The following SAAL1 variants were observed in gnomAD, a reference collection of about 807,000 sequenced individuals.
SAAL1 encodes the protein serum amyloid A like 1, also known as protein SAAL1.
In SAAL1, 42 loss-of-function variants were observed where a neutral mutation model predicts 59.8. The ratio of observed to expected loss-of-function variants is 0.70; its 90% CI spans 0.55 to 0.91. SAAL1 has a LOEUF of 0.91. SAAL1 is among the 40% of genes least tolerant of loss of function. The pLI is 0.00. For synonymous variants in SAAL1, 191 were observed against 194.3 expected, an observed-to-expected ratio of 0.98 and a Z score of 0.14; for missense variants, 542 against 561.1, an observed-to-expected ratio of 0.97 and a Z score of 0.34.
At chr11:18,082,253 A>G (rs1246128015) in intron 10 of SAAL1, among the ~76,000 whole-genome samples, 1 of 152,220 alleles carries the variant, frequency 6.6e-6, no homozygotes, top group African/African-American at 2.4e-5. Flanking sequence ...TTACCCAAGA[A>G]ATTCATACAA....
At chr11:18,088,574 G>A (rs1312752190) in intron 7 of SAAL1, among the ~76,000 whole-genome samples, 1 of 152,192 alleles carries the variant, frequency 6.6e-6, no homozygotes, top group Non-Finnish European at 1.5e-5. Context: ...TGATTGGCAT[G>A]GATGGAATCC....
Position 18,105,985 on chromosome 11 carries a change from C to T in SAAL1, c.57G>A (p.Glu19=). The change falls in exon 1 of 12, where the codon GAG becomes GAA. Residue 19 remains glutamate, a synonymous_variant. Coordinates refer to ENST00000524803, the MANE Select transcript of SAAL1 (RefSeq NM_138421.3). The stretch of plus-strand genomic sequence containing the variant: ...TCCCTATGCAGTCTCCACCGGCCAC[C>T]TCCTCCTCCTCCTCCTTGTCGCGAC... ...PPGRDKEEEE[E]VAGGDCIGST... The T allele has an allele frequency of 6.6e-7, 1 of 1,514,588 alleles. No homozygotes were observed. Among genetic ancestry groups the T allele is most frequent in the Non-Finnish European group, 9.0e-7 (1 of 1,111,918 alleles). 93.8% of individuals were successfully genotyped at this position (1,514,588 alleles called of 1,614,324 possible). A position where few individuals can be genotyped will look rare whatever the true frequency, so the allele number is the denominator to read the frequency against.
chr11:18,084,326 T>A (rs1465508326), intron 9 of SAAL1, among the ~76,000 whole-genome samples: 5 of 152,176 alleles, frequency 3.3e-5, no homozygotes, highest in African/African-American at 4.8e-5. Flanking sequence ...TGACTCCCCA[T>A]ATTTCTCATC....
intron 2 of SAAL1, among the ~76,000 whole-genome samples, chr11:18,100,816 A>G (rs1848626041): frequency 6.6e-6 from 1 of 152,216 alleles, no homozygotes; most frequent in South Asian, 2.1e-4. Context: ...TCCATAAGCA[A>G]AAAAATAAAC....
At chr11:18,087,096 A>C in intron 8 of SAAL1, 42 bp from the exon 9 acceptor site, 1 of 1,598,892 alleles carries the variant, frequency 6.3e-7, no homozygotes, top group Non-Finnish European at 8.6e-7. Context: ...TAAAATCAGC[A>C]AACAATTAAA....
At chr11:18,088,180 T>C (rs1277060636) in intron 7 of SAAL1, among the ~76,000 whole-genome samples, 1 of 152,192 alleles carries the variant, frequency 6.6e-6, no homozygotes, top group Non-Finnish European at 1.5e-5. Flanking sequence ...GGAATAAGGA[T>C]AGCGCTACTG....
chr11:18,087,124 T>A lies in SAAL1; in HGVS notation c.853+19A>T. 6.2e-7 allele frequency: 1 copy of A among 1,605,130 alleles called. No homozygotes were observed. Among genetic ancestry groups the A allele is most frequent in the Non-Finnish European group, 8.5e-7 (1 of 1,171,902 alleles). On this transcript the variant is annotated intron_variant, in intron 8 of 11. Coordinates refer to ENST00000524803, the MANE Select transcript of SAAL1 (RefSeq NM_138421.3). ...CAATTAAATGAGTAACTGTAGTGCA[T>A]CCCGATAAACCACCTTACCAATTGC...
chr11:18,081,558 T>C, intron 10 of SAAL1, 55 bp from the exon 11 acceptor site: 1 of 1,332,330 alleles, frequency 7.5e-7, no homozygotes, highest in Non-Finnish European at 1.1e-6. Context: ...AAGCTTTAAC[T>C]AGTGAATAAA....
At chr11:18,103,564 A>T (rs962550863) in intron 1 of SAAL1, among the ~76,000 whole-genome samples, 1 of 152,052 alleles carries the variant, frequency 6.6e-6, no homozygotes, top group Non-Finnish European at 1.5e-5. Flanking sequence ...ACATCCCCCA[A>T]ATTTGCACAT....
chr11:18,097,189 A>C (rs1170465936), intron 2 of SAAL1, among the ~76,000 whole-genome samples: 1 of 152,114 alleles, frequency 6.6e-6, no homozygotes, highest in Non-Finnish European at 1.5e-5. Flanking sequence ...GTGAGCTGAG[A>C]TCACGCCACT....
intron 1 of SAAL1, among the ~76,000 whole-genome samples, chr11:18,104,757 G>A (rs909694788): frequency 6.6e-6 from 1 of 152,158 alleles, no homozygotes; most frequent in African/African-American, 2.4e-5. Flanking sequence ...AGAGTTGATG[G>A]AACACAGTGT....
intron 1 of SAAL1, among the ~76,000 whole-genome samples, chr11:18,105,332 C>CTTTT (rs905892562): frequency 1.6e-5 from 2 of 127,444 alleles, no homozygotes; most frequent in Non-Finnish European, 3.4e-5. Flanking sequence ...TCACGACCGG[C>CTTTT]TTTTTTTTTT....
At chr11:18,081,631 C>G in intron 10 of SAAL1, 128 bp from the exon 11 acceptor site, 1 of 684,134 alleles carries the variant, frequency 1.5e-6, no homozygotes, top group Non-Finnish European at 2.6e-6. Context: ...CCACCTGAAC[C>G]CACCAACATC....
chr11:18,099,915 C>A (rs1358019740), intron 2 of SAAL1, among the ~76,000 whole-genome samples: 1 of 152,140 alleles, frequency 6.6e-6, no homozygotes, highest in Admixed American at 6.5e-5. Context: ...CCAGACTTTG[C>A]GCCAGGGACC....
In SAAL1 at chr11:18,080,475, T is replaced by G. The variant is rs895087008; in HGVS notation, c.1349A>C (p.Lys450Thr). The change falls in exon 12 of 12, where the codon AAA (lysine) becomes ACA (threonine). Residue 450 changes from lysine (K) to threonine (T), a missense_variant. Transcript: ENST00000524803. The part of the protein sequence containing the change: ...FYSPVVEDFI[K>T]ILREVDKALA... Reference sequence around the variant, plus strand: ...CGCCTTATCAACTTCACGTAGGATTTTAATAAAATCTTCCACCTGTGAGTC... The same window carrying G: ...CGCCTTATCAACTTCACGTAGGATTGTAATAAAATCTTCCACCTGTGAGTC... 1 of 1,581,176 alleles carries G rather than the reference T, an allele frequency of 6.3e-7. No homozygotes were observed. The highest frequency in any genetic ancestry group is 1.4e-5 in the African/African-American group (1 of 72,652).
In SAAL1 at chr11:18,103,445, C is replaced by A. The variant is rs748002552; in HGVS notation, c.136-99G>T. The A allele has an allele frequency of 2.3e-5, 21 of 922,236 alleles. No homozygotes were observed. The South Asian group carries it at 2.6e-4, about 11-fold the overall frequency. 57.1% of individuals were successfully genotyped at this position (922,236 alleles called of 1,614,324 possible). On this transcript the variant is annotated intron_variant, in intron 1 of 11. Coordinates refer to ENST00000524803, the MANE Select transcript of SAAL1 (RefSeq NM_138421.3). Reference sequence around the variant, plus strand: ...GTGATCAAATAACATTTCCTCGTAACGCTGATGAGAAAAAAATTTGATTCC... The same window carrying A: ...GTGATCAAATAACATTTCCTCGTAAAGCTGATGAGAAAAAAATTTGATTCC...
At chr11:18,095,406 A>G (rs926442317) in intron 3 of SAAL1, among the ~76,000 whole-genome samples, 8 of 152,244 alleles carry the variant, frequency 5.3e-5, no homozygotes, top group African/African-American at 1.7e-4. Flanking sequence ...GCCCTAATTC[A>G]GAGAGAACAT....
rs144955101 is a variant in SAAL1, at chr11:18,087,704, G to A, written c.771-479C>T. 3.5e-3 allele frequency among the ~76,000 whole-genome samples: 534 copies of A among 152,258 alleles called. 6 individuals are homozygous for A. The highest frequency in any genetic ancestry group is 0.012 in the African/African-American group (495 of 41,558). On this transcript the variant is annotated intron_variant, in intron 7 of 11. Coordinates refer to ENST00000524803, the MANE Select transcript of SAAL1 (RefSeq NM_138421.3). The stretch of plus-strand genomic sequence containing the variant: ...GTAAGTCTAATTCTTATGATCAACC[G>A]TTTGGATTCTCAAAAATCTAAATAG...
intron 2 of SAAL1, among the ~76,000 whole-genome samples, chr11:18,098,843 G>A (rs1396816521): frequency 1.3e-5 from 2 of 152,240 alleles, no homozygotes; most frequent in African/African-American, 4.8e-5. Flanking sequence ...AGTAGCACAA[G>A]GGTGGCCTAA....
Sources: allele counts gnomAD v4.1 joint callset (sites outside exome capture counted in the v4.1 genomes callset), GRCh38; gene constraint gnomAD v4.1.1; transcripts MANE v1.5; gene names NCBI Gene and HGNC (gene_info 2026-07-23, HGNC 2026-07-21).